VRK2: variants seen among roughly 807,000 people sequenced by gnomAD.
The protein encoded by VRK2 is VRK serine/threonine kinase 2, also known as serine/threonine-protein kinase VRK2.
Under a neutral mutation model 57.6 loss-of-function variants are expected in VRK2, and 60 were observed. That is an observed-to-expected ratio of 1.04 (90% confidence interval 0.85 to 1.29). The LOEUF (loss-of-function observed/expected upper bound fraction) is 1.29, where lower values mean the gene tolerates loss of function less well. VRK2 is among the 50% of genes most tolerant of loss of function. VRK2 has a pLI of 0.00. For synonymous variants in VRK2, 231 were observed against 199.2 expected (o/e 1.16, Z -1.35); for missense variants, 705 against 588.1 (o/e 1.20, Z -2.06).
intron 1 of VRK2, among the ~76,000 whole-genome samples, chr2:57,970,866 A>AT (rs1478077030): frequency 2.0e-5 from 3 of 151,904 alleles, no homozygotes; most frequent in Non-Finnish European, 4.4e-5. Context: ...ACATTGTTAC[A>AT]TTTTATCTTT....
intron 1 of VRK2, among the ~76,000 whole-genome samples, chr2:57,992,070 T>C (rs990610369): frequency 2.6e-5 from 4 of 152,216 alleles, no homozygotes; most frequent in African/African-American, 4.8e-5. Flanking sequence ...AGCACAGATA[T>C]ATGAATAAAC....
intron 2 of VRK2, among the ~76,000 whole-genome samples, chr2:58,070,837 G>A (rs1669268024): frequency 6.6e-6 from 1 of 152,150 alleles, no homozygotes; most frequent in Non-Finnish European, 1.5e-5. Flanking sequence ...CAGGAGTGCA[G>A]TTCCTGGATT....
In VRK2 at chr2:57,995,555, A is replaced by G. The variant is rs193029912; in HGVS notation, c.-438-30110A>G. Among the ~76,000 whole-genome samples the G allele has an allele frequency of 3.9e-5, 6 of 152,306 alleles. No homozygotes were observed. The East Asian group carries it at 1.2e-3, about 29-fold the overall frequency. ...TCACAGTTTGTCAGTCATTCTTTCA[A>G]ATAAAAATGATATGCCGTGAAAAAA... On this transcript the variant is annotated intron_variant, in intron 1 of 15. Coordinates refer to the VRK2 transcript ENST00000417641.
chr2:57,927,458 G>T (rs1670577708), intron 1 of VRK2, among the ~76,000 whole-genome samples: 1 of 151,908 alleles, frequency 6.6e-6, no homozygotes, highest in African/African-American at 2.4e-5. Flanking sequence ...TGTATTTTTA[G>T]TAGAGACGGG....
intron 12 of VRK2, among the ~76,000 whole-genome samples, chr2:58,151,739 T>C (rs1037694190): frequency 4.7e-4 from 44 of 94,618 alleles, no homozygotes; most frequent in African/African-American, 2.1e-3. Flanking sequence ...TTGTTTTTTT[T>C]TTTTTTTTTT....
chr2:57,956,037 T>A (rs1671576588), intron 1 of VRK2, among the ~76,000 whole-genome samples: 1 of 152,138 alleles, frequency 6.6e-6, no homozygotes, highest in African/African-American at 2.4e-5. Context: ...AATAAATACA[T>A]TCAAATATGT....
intron 1 of VRK2, among the ~76,000 whole-genome samples, chr2:57,924,707 T>C (rs1670474398): frequency 6.6e-6 from 1 of 152,062 alleles, no homozygotes; most frequent in African/African-American, 2.4e-5. Flanking sequence ...CTTGCTGTTG[T>C]CTGATTGCTC....
intron 7 of VRK2, among the ~76,000 whole-genome samples, chr2:58,094,807 C>T (rs1048107950): frequency 2.0e-5 from 3 of 152,056 alleles, no homozygotes; most frequent in Non-Finnish European, 1.5e-5. Flanking sequence ...TATTTCTGTA[C>T]TTTCTGTTGA....
chr2:58,120,481 A>T (rs1677309484), intron 7 of VRK2, among the ~76,000 whole-genome samples: 1 of 151,960 alleles, frequency 6.6e-6, no homozygotes, highest in African/African-American at 2.4e-5. Context: ...ATGAGCCACC[A>T]TGCCTGGCCA....
At chr2:58,077,293 T>C (rs1427395029) in intron 2 of VRK2, among the ~76,000 whole-genome samples, 2 of 151,922 alleles carry the variant, frequency 1.3e-5, no homozygotes, top group African/African-American at 4.8e-5. Context: ...TATCAGTTCA[T>C]TGAATCATGA....
At chr2:57,930,381 C>T (rs1179057670) in intron 1 of VRK2, among the ~76,000 whole-genome samples, 1 of 152,152 alleles carries the variant, frequency 6.6e-6, no homozygotes, top group Non-Finnish European at 1.5e-5. Context: ...AATCACTGTG[C>T]GCTCCCTCCC....
chr2:58,028,237 T>G (rs1673993841), intron 2 of VRK2: 2 of 152,184 alleles, frequency 1.3e-5, no homozygotes, highest in South Asian at 4.1e-4. Flanking sequence ...GAGGTGACAC[T>G]TAAGAGTGAC....
At chr2:58,114,147 T>A (rs1676048842) in intron 7 of VRK2, among the ~76,000 whole-genome samples, 1 of 151,902 alleles carries the variant, frequency 6.6e-6, no homozygotes, top group Admixed American at 6.5e-5. Flanking sequence ...CTAAATGGAA[T>A]AAGAGAAGGA....
chr2:58,134,645 GA>G (rs1469641713), intron 9 of VRK2, among the ~76,000 whole-genome samples: 2 of 149,218 alleles, frequency 1.3e-5, no homozygotes, highest in African/African-American at 2.5e-5. Flanking sequence ...AAAGAATATG[GA>G]CAGGCTTTGC....
Position 57,989,606 on chromosome 2 carries a change from T to G in VRK2, c.-438-36059T>G, listed in dbSNP as rs564811061. ...AGTAATCCACTAGGCAGATTCAAGATCAAATCAATAAAGTGCCACTGATAT... is the reference window on the plus strand; with the variant it reads ...AGTAATCCACTAGGCAGATTCAAGAGCAAATCAATAAAGTGCCACTGATAT... On this transcript the variant is annotated intron_variant, in intron 1 of 15. Coordinates refer to the VRK2 transcript ENST00000417641. 2.0e-5 allele frequency among the ~76,000 whole-genome samples: 3 copies of G among 152,266 alleles called. No homozygotes were observed. The East Asian group carries it at 5.8e-4, about 29-fold the overall frequency.
At chr2:57,964,059 G>T (rs2104004503) in intron 1 of VRK2, among the ~76,000 whole-genome samples, 1 of 152,180 alleles carries the variant, frequency 6.6e-6, no homozygotes, top group East Asian at 1.9e-4. Context: ...ATATGATTGA[G>T]CCTCAAACAA....
intron 4 of VRK2, 130 bp downstream of exon 4, chr2:58,085,080 T>A: frequency 1.3e-6 from 1 of 748,136 alleles, no homozygotes; most frequent in Non-Finnish European, 2.1e-6. Flanking sequence ...GTGATACAGT[T>A]AACTGTTACA....
rs372396331 is a variant in VRK2, at chr2:58,097,251, G to T, written c.543+7528G>T. On this transcript the variant is annotated intron_variant, in intron 7 of 12. Transcript: ENST00000340157. ...CCTAAGCTGTTTTGTACTAAGAGTG[G>T]TGTTTAAACGTCTACTCTTATTAGT... Among the ~76,000 whole-genome samples the T allele has an allele frequency of 5.3e-5, 8 of 151,912 alleles. No homozygotes were observed. In the East Asian group the frequency reaches 1.4e-3, roughly 26 times the overall value.
chr2:58,090,400 CAAAAAAAAAAA>C (rs888066524), intron 7 of VRK2, among the ~76,000 whole-genome samples: 1 of 49,342 alleles, frequency 2.0e-5, no homozygotes, highest in South Asian at 7.2e-4. Flanking sequence ...AACTCCATCT[CAAAAAAAAAAA>C]AAAAAAAAAA....
Sources: gnomAD v4.1 joint callset for allele counts (sites outside exome capture counted in the v4.1 genomes callset) on GRCh38, gnomAD v4.1.1 for gene constraint, MANE v1.5 for transcripts, NCBI Gene and HGNC (gene_info 2026-07-23, HGNC 2026-07-21) for gene names.